Variants in NCAM2 observed in about 807,000 individuals in gnomAD.
NCAM2 encodes the protein neural cell adhesion molecule 2.
In NCAM2, 30 loss-of-function variants were observed where a neutral mutation model predicts 98.1. The ratio of observed to expected loss-of-function variants is 0.31; its 90% CI spans 0.23 to 0.41. The LOEUF is 0.41. Among genes scored for constraint, NCAM2 ranks in the 10% least tolerant of loss-of-function variants. The pLI is 1.00. For synonymous variants in NCAM2, 368 were observed against 342.4 expected, an observed-to-expected ratio of 1.07 and a Z score of -0.83; for missense variants, 867 against 1,005.8, an observed-to-expected ratio of 0.86 and a Z score of 1.87.
rs991383439 is a variant in NCAM2, at chr21:21,359,347, G to A, written c.1045-14516G>A. On this transcript the variant is annotated intron_variant, in intron 8 of 17. Coordinates refer to ENST00000400546, the MANE Select transcript of NCAM2 (RefSeq NM_004540.5). ...GATGCTTCTGAGCTTGCTGAGAGGT[G>A]GATTTTCAATCATTTACAACTTTCT... Among the ~76,000 whole-genome samples, 10 of 151,672 alleles carry A rather than the reference G, an allele frequency of 6.6e-5. 1 individual carries two copies. The highest frequency in any genetic ancestry group is 1.3e-4 in the Admixed American group (2 of 15,202).
At chr21:21,520,554 A>G (rs924750197) in intron 16 of NCAM2, among the ~76,000 whole-genome samples, 1 of 152,210 alleles carries the variant, frequency 6.6e-6, no homozygotes, top group African/African-American at 2.4e-5. Context: ...AACAGTGACA[A>G]AACAAACCAA....
intron 15 of NCAM2, among the ~76,000 whole-genome samples, chr21:21,498,319 T>A (rs1424978235): frequency 1.3e-5 from 2 of 152,150 alleles, no homozygotes; most frequent in East Asian, 1.9e-4. Flanking sequence ...TTTCATAGAA[T>A]TTATCTCTTA....
At chr21:21,173,734 C>T (rs1334872451) in intron 1 of NCAM2, among the ~76,000 whole-genome samples, 3 of 152,108 alleles carry the variant, frequency 2.0e-5, no homozygotes. Flanking sequence ...TAACGATTAG[C>T]ATGCTTAGAT....
chr21:21,292,224 T>C lies in NCAM2; in HGVS notation c.602T>C (p.Ile201Thr). The change falls in exon 5 of 18, where the codon ATC becomes ACC. Residue 201 changes from isoleucine (I) to threonine (T), a missense_variant. By Grantham distance (89) the Ile-to-Thr change is moderately conservative. Coordinates refer to ENST00000400546, the MANE Select transcript of NCAM2 (RefSeq NM_004540.5). ...AGGGGAGAAATTGACTTCCGTGATATCATTGTTATTGTTAATGGTAAGCAG... is the reference window on the plus strand; with the variant it reads ...AGGGGAGAAATTGACTTCCGTGATACCATTGTTATTGTTAATGGTAAGCAG... ...EARGEIDFRDIIVIVNVPPAI... is the reference protein window; with the variant it reads ...EARGEIDFRDTIVIVNVPPAI... 6.2e-7 allele frequency: 1 copy of C among 1,609,604 alleles called. No individual in the cohort carries two copies. The highest frequency in any genetic ancestry group is 8.5e-7 in the Non-Finnish European group (1 of 1,177,518).
At chr21:21,397,242 T>C (rs2076530054) in intron 9 of NCAM2, among the ~76,000 whole-genome samples, 1 of 152,034 alleles carries the variant, frequency 6.6e-6, no homozygotes, top group Non-Finnish European at 1.5e-5. Flanking sequence ...TGGGCCACGA[T>C]TCCACCCAGA....
intron 1 of NCAM2, among the ~76,000 whole-genome samples, chr21:21,103,809 A>T (rs1033130289): frequency 1.3e-5 from 2 of 152,074 alleles, no homozygotes; most frequent in African/African-American, 4.8e-5. Flanking sequence ...ACTTGCCTAA[A>T]GTTAGTCATT....
intron 1 of NCAM2, among the ~76,000 whole-genome samples, chr21:21,261,357 C>T (rs895879605): frequency 1.3e-5 from 2 of 152,140 alleles, no homozygotes; most frequent in Non-Finnish European, 2.9e-5. Context: ...TAATAGATAT[C>T]TACAAAACAT....
chr21:21,265,001 T>TACAC, intron 1 of NCAM2, among the ~76,000 whole-genome samples: 7 of 110,094 alleles, frequency 6.4e-5, no homozygotes, highest in Non-Finnish European at 1.3e-4. Context: ...TATGTGTATA[T>TACAC]ATACACATAT....
chr21:21,410,130 C>T, intron 9 of NCAM2, 144 bp from the exon 10 acceptor site: 1 of 478,324 alleles, frequency 2.1e-6, no homozygotes, highest in South Asian at 5.5e-5. Flanking sequence ...GAGACTCCGT[C>T]TCAAAAAGAA....
At chr21:21,218,521 T>G (rs1411072323) in intron 1 of NCAM2, among the ~76,000 whole-genome samples, 1 of 152,224 alleles carries the variant, frequency 6.6e-6, no homozygotes, top group Non-Finnish European at 1.5e-5. Flanking sequence ...GTTAATCGGC[T>G]GGTCTTAAAA....
At chr21:21,227,969 A>T (rs2826739) in intron 1 of NCAM2, among the ~76,000 whole-genome samples, 10,575 of 151,806 alleles carry the variant, frequency 0.07, 738 homozygotes, top group East Asian at 0.35. Context: ...CATAAAATTT[A>T]AAAATTCCTG....
At chr21:21,468,825 A>G in intron 14 of NCAM2, 42 bp downstream of exon 14, 1 of 1,556,008 alleles carries the variant, frequency 6.4e-7, no homozygotes, top group Non-Finnish European at 8.8e-7. Context: ...AGGTTTTTTC[A>G]AATTAAATTG....
chr21:21,457,983 G>A (rs1982401772), intron 12 of NCAM2, among the ~76,000 whole-genome samples: 1 of 152,162 alleles, frequency 6.6e-6, no homozygotes, highest in South Asian at 2.1e-4. Flanking sequence ...TCGAAGCTAG[G>A]AGTTAATTTT....
chr21:21,092,466 T>TC (rs1420664849), intron 1 of NCAM2, among the ~76,000 whole-genome samples: 2 of 152,044 alleles, frequency 1.3e-5, no homozygotes, highest in East Asian at 3.9e-4. Flanking sequence ...TATCTGTCAG[T>TC]TATACACATG....
intron 1 of NCAM2, among the ~76,000 whole-genome samples, chr21:21,058,368 A>G (rs1214822310): frequency 6.6e-6 from 1 of 152,080 alleles, no homozygotes; most frequent in Non-Finnish European, 1.5e-5. Flanking sequence ...CTAGTTTCAC[A>G]TTTATCTGTT....
intron 1 of NCAM2, among the ~76,000 whole-genome samples, chr21:21,169,789 TA>T (rs2068062685): frequency 6.6e-6 from 1 of 151,380 alleles, no homozygotes; most frequent in South Asian, 2.1e-4. Flanking sequence ...TCTCTGCAAA[TA>T]AAAAATAAAA....
At chr21:21,482,780 T>TA (rs146861705) in intron 15 of NCAM2, among the ~76,000 whole-genome samples, 1 of 55,424 alleles carries the variant, frequency 1.8e-5, no homozygotes, top group Non-Finnish European at 3.9e-5. Context: ...ATTTTTCATT[T>TA]TTTCTTATTA....
At chr21:21,490,914 A>G (rs1003243003) in intron 15 of NCAM2, among the ~76,000 whole-genome samples, 1 of 151,856 alleles carries the variant, frequency 6.6e-6, no homozygotes, top group Non-Finnish European at 1.5e-5. Context: ...TAGTATATTA[A>G]ATGTCATTTT....
In NCAM2 at chr21:21,310,960, C is replaced by T. The variant is rs999186046; in HGVS notation, c.620-13423C>T. On this transcript the variant is annotated intron_variant, in intron 5 of 17. Transcript: ENST00000400546. ...TAAGTCCCACAGTTGAGACCTACTT[C>T]TCAGGAAATATTTCTTTCAAAATAT... Among the ~76,000 whole-genome samples the T allele has an allele frequency of 7.9e-5, 12 of 152,314 alleles. No homozygotes were observed. The East Asian group carries it at 1.7e-3, about 22-fold the overall frequency.
Sources: gnomAD v4.1 joint callset for allele counts (sites outside exome capture counted in the v4.1 genomes callset) on GRCh38, gnomAD v4.1.1 for gene constraint, MANE v1.5 for transcripts, NCBI Gene and HGNC (gene_info 2026-07-23, HGNC 2026-07-21) for gene names.